The following R3HDM2 variants were observed in gnomAD, a reference collection of about 807,000 sequenced individuals.
R3HDM2 encodes R3H domain-containing protein 2.
A neutral mutation model predicts 124.5 loss-of-function variants in R3HDM2; 38 were observed. The ratio of observed to expected loss-of-function variants is 0.31; its 90% CI spans 0.24 to 0.40. R3HDM2 has a LOEUF of 0.40. Among genes scored for constraint, R3HDM2 ranks in the 10% least tolerant of loss-of-function variants. The pLI, the probability that R3HDM2 is intolerant of heterozygous loss-of-function variation, is 1.00. For synonymous variants in R3HDM2, 391 were observed against 448.0 expected (o/e 0.87, Z 1.61); for missense variants, 869 against 1,236.9 (o/e 0.70, Z 4.46).
At position 57,253,818 on chromosome 12, in the gene R3HDM2, A is replaced by G. The variant is rs1305527036; in HGVS notation, c.*955T>C. The G allele has an allele frequency of 5.7e-6, 1 of 176,678 alleles. No individual in the cohort carries two copies. Among genetic ancestry groups the G allele is most frequent in the Admixed American group, 6.5e-5 (1 of 15,378 alleles). The allele number at this position is 176,678 out of a possible 1,614,324, so 10.9% of individuals were successfully genotyped here. A position where few individuals can be genotyped will look rare whatever the true frequency, so the allele number is the denominator to read the frequency against. Reference sequence around the variant, plus strand: ...AAAAACAAAACCAACCTCCCCCCAAATAACCCCCAAACAAACAAAAAAACA... The same window carrying G: ...AAAAACAAAACCAACCTCCCCCCAAGTAACCCCCAAACAAACAAAAAAACA... On this transcript the variant is annotated 3_prime_UTR_variant, in exon 24 of 24. Transcript: ENST00000402412.
intron 2 of R3HDM2, among the ~76,000 whole-genome samples, chr12:57,369,999 T>C (rs892925075): frequency 2.6e-5 from 4 of 152,152 alleles, no homozygotes; most frequent in Non-Finnish European, 5.9e-5. Context: ...GCCTAAATCA[T>C]AGAAAGTTTC....
At chr12:57,319,952 C>T (rs750262959) in intron 2 of R3HDM2, among the ~76,000 whole-genome samples, 2 of 151,870 alleles carry the variant, frequency 1.3e-5, no homozygotes, top group Non-Finnish European at 2.9e-5. Context: ...AAAACAAAAG[C>T]AAAAGAAAGC....
At chr12:57,302,355 G>A (rs1051011246) in intron 4 of R3HDM2, among the ~76,000 whole-genome samples, 4 of 150,790 alleles carry the variant, frequency 2.7e-5, no homozygotes, top group Admixed American at 6.6e-5. Flanking sequence ...GGGCTGAGAC[G>A]GGTGGATCAC....
At chr12:57,402,418 A>C (rs1320181857) in intron 1 of R3HDM2, among the ~76,000 whole-genome samples, 1 of 152,118 alleles carries the variant, frequency 6.6e-6, no homozygotes, top group Non-Finnish European at 1.5e-5. Flanking sequence ...ACGCCATTTC[A>C]GCTCATTGCA....
chr12:57,334,339 G>C (rs537610612), intron 2 of R3HDM2, among the ~76,000 whole-genome samples: 179 of 152,050 alleles, frequency 1.2e-3, no homozygotes, highest in African/African-American at 4.1e-3. Flanking sequence ...ACCTATTATC[G>C]AATAATAAAT....
intron 2 of R3HDM2, among the ~76,000 whole-genome samples, chr12:57,313,841 A>T (rs1259243465): frequency 7.1e-6 from 1 of 140,306 alleles, no homozygotes; most frequent in Non-Finnish European, 1.5e-5. Context: ...CAACCACACC[A>T]CTACACTCCA....
At chr12:57,269,116 T>C (rs375815051) in intron 16 of R3HDM2, 34 bp from the exon 17 acceptor site, 2 of 1,611,078 alleles carry the variant, frequency 1.2e-6, no homozygotes, top group African/African-American at 2.7e-5. Context: ...TACATTAGTA[T>C]GAATGTTTAG....
intron 2 of R3HDM2, among the ~76,000 whole-genome samples, chr12:57,355,604 A>G (rs535280455): frequency 6.6e-6 from 1 of 152,320 alleles, no homozygotes; most frequent in Non-Finnish European, 1.5e-5. Context: ...ACTTTTTATA[A>G]TAAGTCTTGA....
intron 2 of R3HDM2, among the ~76,000 whole-genome samples, chr12:57,378,728 G>C (rs1035957866): frequency 7.9e-5 from 12 of 151,968 alleles, no homozygotes; most frequent in African/African-American, 2.4e-4. Flanking sequence ...TCTACTTCTG[G>C]GTATATATTC....
chr12:57,324,035 A>G (rs555942370), intron 2 of R3HDM2, among the ~76,000 whole-genome samples: 1 of 150,250 alleles, frequency 6.7e-6, no homozygotes, highest in South Asian at 2.1e-4. Flanking sequence ...AGATATCTGG[A>G]AAAGGAAAAA....
Position 57,259,155 on chromosome 12 carries a change from A to G in R3HDM2, c.2132-96T>C, listed in dbSNP as rs964747165. The G allele has an allele frequency of 2.8e-5, 37 of 1,324,586 alleles. No individual in the cohort carries two copies. The African/African-American group carries it at 5.3e-4, about 19-fold the overall frequency. The allele number at this position is 1,324,586 out of a possible 1,614,324, so 82.1% of individuals were successfully genotyped here. A position where few individuals can be genotyped will look rare whatever the true frequency, so the allele number is the denominator to read the frequency against. On this transcript the variant is annotated intron_variant, in intron 19 of 23. Transcript: ENST00000402412. ...GGGAAAGCAGCAAATAAATCCACCC[A>G]TTGCCTCAGGGTCACTCAAGCTACG...
intron 2 of R3HDM2, among the ~76,000 whole-genome samples, chr12:57,389,279 ATATACAAAGC>A (rs2066327522): frequency 6.6e-6 from 1 of 152,230 alleles, no homozygotes. Flanking sequence ...TAGCTGACTA[ATATACAAAGC>A]TATACCCAGG....
chr12:57,295,459 T>C lies in R3HDM2; in HGVS notation c.750A>G (p.Glu250=). ...TCTTGAGAATGAACCTCTGTTGAAA[T>C]TCTGTATTCTTCTCATCCTTTATAT... ...SEHIKDEKNT[E]FQQRFILKRD... is the part of the protein sequence containing the mutation. Residue 250 remains glutamate (E), a synonymous_variant, in exon 10 of 24, where the codon GAA becomes GAG. Coordinates refer to ENST00000402412, the MANE Select transcript of R3HDM2 (RefSeq NM_001394031.1). The C allele has an allele frequency of 6.4e-7, 1 of 1,551,900 alleles. No homozygotes were observed. The highest frequency in any genetic ancestry group is 8.7e-7 in the Non-Finnish European group (1 of 1,147,030).
At position 57,321,658 on chromosome 12, in the gene R3HDM2, T is replaced by TAAAAC. The variant is rs558272275; in HGVS notation, c.-35-11200_-35-11196dup. 9.4e-4 allele frequency among the ~76,000 whole-genome samples: 142 copies of TAAAAC among 150,732 alleles called. 1 individual carries two copies. Among genetic ancestry groups the TAAAAC allele is most frequent in the Middle Eastern group, 3.4e-3 (1 of 292 alleles). On this transcript the variant is annotated intron_variant, in intron 2 of 23. Transcript: ENST00000402412. Reference sequence around the variant, plus strand: ...AAGAGCGAAACTCCGTCTTGGAAAATAAAACAAAACAAAACAAAAGCATGG... The same window carrying TAAAAC: ...AAGAGCGAAACTCCGTCTTGGAAAATAAAACAAAACAAAACAAAACAAAAGCATGG...
At chr12:57,311,751 G>T (rs915639939) in intron 2 of R3HDM2, among the ~76,000 whole-genome samples, 2 of 152,172 alleles carry the variant, frequency 1.3e-5, no homozygotes, top group African/African-American at 4.8e-5. Flanking sequence ...CAGAAAGATT[G>T]GGTCCCTCCC....
At chr12:57,425,833 T>C (rs1262653086) in intron 1 of R3HDM2, among the ~76,000 whole-genome samples, 2 of 152,100 alleles carry the variant, frequency 1.3e-5, no homozygotes, top group East Asian at 3.9e-4. Context: ...TTTGCCTTCC[T>C]GAGCTAAAGA....
At chr12:57,299,958 G>A in intron 5 of R3HDM2, 137 bp downstream of exon 5, 1 of 714,952 alleles carries the variant, frequency 1.4e-6, no homozygotes, top group Non-Finnish European at 2.4e-6. Context: ...ACCATGCCCT[G>A]TTTTACTACA....
chr12:57,428,331 T>TTA (rs1486527643), intron 1 of R3HDM2, among the ~76,000 whole-genome samples: 5 of 151,916 alleles, frequency 3.3e-5, no homozygotes, highest in Admixed American at 2.6e-4. Context: ...ATCTAGAGCT[T>TTA]TAAAGCTAAG....
intron 2 of R3HDM2, among the ~76,000 whole-genome samples, chr12:57,354,406 T>TC: frequency 6.6e-6 from 1 of 151,790 alleles, no homozygotes; most frequent in Non-Finnish European, 1.5e-5. Context: ...GATTCTCATG[T>TC]CTCAGCCTCC....
Sources: allele counts gnomAD v4.1 joint callset (sites outside exome capture counted in the v4.1 genomes callset), GRCh38; gene constraint gnomAD v4.1.1; transcripts MANE v1.5; gene names NCBI Gene and HGNC (gene_info 2026-07-23, HGNC 2026-07-21).